Variants in AK9 observed in about 807,000 individuals in gnomAD.
AK9 encodes adenylate kinase 9.
In AK9, 191 loss-of-function variants were observed where a neutral mutation model predicts 239.6. That is an observed-to-expected ratio of 0.80 (90% CI 0.71 to 0.90). The LOEUF is 0.90. AK9 is among the 40% of genes least tolerant of loss of function. The pLI is 0.00. For synonymous variants in AK9, 689 were observed against 721.0 expected (o/e 0.96, Z 0.71); for missense variants, 1,995 against 2,214.7 (o/e 0.90, Z 1.99).
chr6:109,648,513 CACAT>C (rs1798413141), intron 8 of AK9, among the ~76,000 whole-genome samples: 1 of 152,186 alleles, frequency 6.6e-6, no homozygotes, highest in Non-Finnish European at 1.5e-5. Flanking sequence ...AATTCCTCGA[CACAT>C]ACACCCTCCC....
intron 29 of AK9, among the ~76,000 whole-genome samples, chr6:109,521,293 A>T (rs1307746053): frequency 6.6e-6 from 1 of 152,064 alleles, no homozygotes; most frequent in Non-Finnish European, 1.5e-5. Flanking sequence ...GCCAGTGATG[A>T]TGAGGAATTT....
Position 109,545,876 on chromosome 6 carries a change from T to C in AK9, c.3216A>G (p.Thr1072=), listed in dbSNP as rs1299521301. ...QANVKVEEEN[T]KKQLPEVQLT... is the part of the protein sequence containing the mutation. The stretch of plus-strand genomic sequence containing the variant: ...AAAAAGAGATTACTACCTGCTTTTT[T>C]GTATTTTCTTCCTCAACTTTGACAT... Residue 1072 remains threonine, a synonymous_variant, in exon 26 of 41, where the codon ACA becomes ACG. Coordinates refer to ENST00000424296, the MANE Select transcript of AK9 (RefSeq NM_001145128.3). 6.3e-7 allele frequency: 1 copy of C among 1,590,246 alleles called. No individual in the cohort carries two copies. The highest frequency in any genetic ancestry group is 1.2e-5 in the South Asian group (1 of 85,738).
rs780110033 is a variant in AK9 at position 109,533,270 on chromosome 6, T to G, written c.3551A>C (p.Asp1184Ala). 1.2e-6 allele frequency: 2 copies of G among 1,608,604 alleles called. No individual in the cohort carries two copies. Among genetic ancestry groups the G allele is most frequent in the Middle Eastern group, 1.7e-4 (1 of 6,030 alleles). The part of the protein sequence containing the change: ...KKLERKKLIK[D>A]MKAKIRVDTI... ...ACATACCCTGATTTTTGCCTTCATG[T>G]CTTTGATCAGTTTCTTCCTTTCTAA... is the stretch of plus-strand genomic sequence containing the variant. Residue 1184 changes from aspartate (D) to alanine (A), a missense_variant, in exon 28 of 41, where the codon GAC (aspartate) becomes GCC (alanine). Asp to Ala is a moderately radical substitution (Grantham distance 126). Coordinates refer to ENST00000424296, the MANE Select transcript of AK9 (RefSeq NM_001145128.3).
chr6:109,603,891 C>A (rs1179373229), intron 17 of AK9, among the ~76,000 whole-genome samples: 1 of 152,208 alleles, frequency 6.6e-6, no homozygotes, highest in East Asian at 1.9e-4. Flanking sequence ...ATATAATTTC[C>A]TGGTGTGCCA....
At chr6:109,620,742 T>A (rs1302686685) in intron 12 of AK9, among the ~76,000 whole-genome samples, 4 of 151,824 alleles carry the variant, frequency 2.6e-5, no homozygotes, top group Admixed American at 2.6e-4. Context: ...AAAATATGAA[T>A]ACATATGTAT....
chr6:109,494,123 G>A (rs1776795168), intron 39 of AK9, 28 bp from the exon 40 acceptor site: 1 of 1,523,610 alleles, frequency 6.6e-7, no homozygotes, highest in Non-Finnish European at 9.1e-7. Context: ...TTCAAATTCT[G>A]TGTATACTTG....
chr6:109,533,876 A>G (rs1387005321), intron 27 of AK9, among the ~76,000 whole-genome samples: 1 of 152,156 alleles, frequency 6.6e-6, no homozygotes. Context: ...AGAAGACCAT[A>G]GGAAAAGAGA....
Position 109,573,427 on chromosome 6 carries a change from T to A in AK9, c.2344+15A>T, listed in dbSNP as rs940000424. The A allele has an allele frequency of 4.6e-6, 7 of 1,536,496 alleles. No individual in the cohort carries two copies. Among genetic ancestry groups the A allele is most frequent in the Non-Finnish European group, 5.3e-6 (6 of 1,140,764 alleles). ...CATGAGTAGAATTAAGAACTTGCTA[T>A]CAATAAAGTCTAACCTGCTTCAGGC... On this transcript the variant is annotated intron_variant, in intron 21 of 40. Coordinates refer to ENST00000424296, the MANE Select transcript of AK9 (RefSeq NM_001145128.3).
intron 24 of AK9, among the ~76,000 whole-genome samples, chr6:109,562,094 T>C (rs1208754487): frequency 6.6e-6 from 1 of 152,108 alleles, no homozygotes. Context: ...TGGTATATAT[T>C]GTGCAAATAT....
intron 17 of AK9, among the ~76,000 whole-genome samples, chr6:109,607,587 A>G (rs942896442): frequency 6.6e-6 from 1 of 152,178 alleles, no homozygotes; most frequent in Non-Finnish European, 1.5e-5. Flanking sequence ...ACATTCATGG[A>G]TTCTGGTATC....
At chr6:109,602,923 C>G (rs894756651) in intron 17 of AK9, among the ~76,000 whole-genome samples, 30 of 152,222 alleles carry the variant, frequency 2.0e-4, no homozygotes, top group Admixed American at 3.3e-4. Flanking sequence ...TCAGCTCCAT[C>G]AGGTCCTCTA....
rs901074379 is a variant in AK9, at chr6:109,564,261, T to C, written c.2454A>G (p.Pro818=). ...LSETVVLPEF[P]EDSYPDVPEM... is the part of the protein sequence containing the mutation. ...CGGGAACATCAGGATAAGAGTCTTCTGGAAACTCAGGTAGTACAACTTTGG... is the reference window on the plus strand; with the variant it reads ...CGGGAACATCAGGATAAGAGTCTTCCGGAAACTCAGGTAGTACAACTTTGG... Residue 818 remains proline (P), a synonymous_variant, in exon 23 of 41, where the codon CCA becomes CCG. Coordinates refer to ENST00000424296, the MANE Select transcript of AK9 (RefSeq NM_001145128.3). 1.3e-6 allele frequency: 2 copies of C among 1,550,088 alleles called. No homozygotes were observed. Among genetic ancestry groups the C allele is most frequent in the Non-Finnish European group, 1.7e-6 (2 of 1,146,518 alleles).
intron 1 of AK9, among the ~76,000 whole-genome samples, chr6:109,685,776 T>C (rs546632324): frequency 2.0e-5 from 3 of 152,310 alleles, no homozygotes; most frequent in Admixed American, 6.5e-5. Flanking sequence ...TGACATTGCA[T>C]ACTGGGTCCT....
Position 109,644,634 on chromosome 6 carries a change from G to A in AK9, c.814C>T (p.Pro272Ser), listed in dbSNP as rs1465152725. The change falls in exon 9 of 41, where the codon CCA becomes TCA. Residue 272 changes from proline to serine, a missense_variant. Coordinates refer to ENST00000424296, the MANE Select transcript of AK9 (RefSeq NM_001145128.3). ...QYLIELNGNK[P>S]AEELFMIVMD... ...CTCACCATAAAGAGCTCCTCTGCTG[G>A]TTTATTTCCATTTAGCTCAATGAGA... 1.9e-6 allele frequency: 3 copies of A among 1,611,972 alleles called. No individual in the cohort carries two copies. The highest frequency in any genetic ancestry group is 4.5e-5 in the East Asian group (2 of 44,802).
chr6:109,684,912 A>AAAAT (rs1183838812), intron 1 of AK9, among the ~76,000 whole-genome samples: 1 of 136,498 alleles, frequency 7.3e-6, no homozygotes, highest in Non-Finnish European at 1.6e-5. Context: ...AAAAAAAAAA[A>AAAAT]GTAGGCAAAG....
At chr6:109,536,100 G>T (rs536281878) in intron 27 of AK9, among the ~76,000 whole-genome samples, 70 of 152,194 alleles carry the variant, frequency 4.6e-4, no homozygotes, top group African/African-American at 1.7e-3. Flanking sequence ...CTCTTTTTTG[G>T]TTCCATATGA....
chr6:109,598,791 T>C (rs932184085), intron 17 of AK9, among the ~76,000 whole-genome samples: 11 of 152,332 alleles, frequency 7.2e-5, no homozygotes, highest in Admixed American at 2.0e-4. Flanking sequence ...TGGTATCTCA[T>C]TGTGGTTTTG....
chr6:109,623,063 C>T (rs527922542), intron 12 of AK9, among the ~76,000 whole-genome samples: 2 of 152,174 alleles, frequency 1.3e-5, no homozygotes, highest in East Asian at 3.9e-4. Flanking sequence ...TATCCTTTTG[C>T]TAATGTTTAA....
At chr6:109,590,471 C>T (rs1204055605) in intron 17 of AK9, among the ~76,000 whole-genome samples, 1 of 152,064 alleles carries the variant, frequency 6.6e-6, no homozygotes, top group African/African-American at 2.4e-5. Flanking sequence ...ACTTGATTAT[C>T]TAGCTATCAA....
Sources: allele counts gnomAD v4.1 joint callset (sites outside exome capture counted in the v4.1 genomes callset), GRCh38; gene constraint gnomAD v4.1.1; transcripts MANE v1.5; gene names NCBI Gene and HGNC (gene_info 2026-07-23, HGNC 2026-07-21).